SPOP: variants seen among roughly 807,000 people sequenced by gnomAD.
The protein encoded by SPOP is speckle-type POZ protein.
Under a neutral mutation model 45.6 loss-of-function variants are expected in SPOP, and 11 were observed. The observed-to-expected ratio is 0.24, with a 90% CI of 0.15 to 0.40. SPOP has a LOEUF of 0.40. Among genes scored for constraint, SPOP ranks in the 10% least tolerant of loss-of-function variants. The probability of loss-of-function intolerance (pLI) is 1.00; values close to 1 mark genes in which losing one functional copy is unlikely to be tolerated. For missense variants in SPOP, 152 were observed against 465.6 expected (o/e 0.33, Z 6.20); for synonymous variants, 166 against 166.3 (o/e 1.00, Z 0.01).
At chr17:49,663,984 C>A (rs533273891) in intron 1 of SPOP, among the ~76,000 whole-genome samples, 54 of 152,248 alleles carry the variant, frequency 3.5e-4, no homozygotes, top group South Asian at 1.2e-3. Flanking sequence ...AATGTTTAAA[C>A]ATTTAGAAGA....
At chr17:49,658,931 C>T (rs141827739) in intron 1 of SPOP, among the ~76,000 whole-genome samples, 170 of 152,330 alleles carry the variant, frequency 1.1e-3, no homozygotes, top group African/African-American at 3.9e-3. Context: ...CAGACACCAA[C>T]TTCTGAATTT....
intron 1 of SPOP, among the ~76,000 whole-genome samples, chr17:49,675,046 A>C (rs1281849902): frequency 6.6e-6 from 1 of 152,210 alleles, no homozygotes; most frequent in Admixed American, 6.5e-5. Flanking sequence ...GCAGACTCAC[A>C]CTGCTGGCAG....
chr17:49,651,996 G>GT (rs1398866450), intron 1 of SPOP, among the ~76,000 whole-genome samples: 1 of 151,786 alleles, frequency 6.6e-6, no homozygotes, highest in Non-Finnish European at 1.5e-5. Context: ...TCCAGCCTGG[G>GT]TGACAGAGTG....
rs150193528 is a variant in SPOP, at chr17:49,622,769, C to T, written c.42G>A (p.Ser14=). The T allele has an allele frequency of 6.2e-4, 997 of 1,614,098 alleles. 1 individual carries two copies. Among genetic ancestry groups the T allele is most frequent in the Non-Finnish European group, 7.7e-4 (904 of 1,180,000 alleles). The change falls in exon 2 of 10, where the codon TCG becomes TCA. Residue 14 remains serine, a synonymous_variant. Transcript: ENST00000504102. ...ACCAACTCTCAGCTACGGGGCCACT[C>T]GACATTTCTGCCGGAGGTGGAGGAC... ...VPSPPPPAEM[S]SGPVAESWCY... is the part of the protein sequence containing the mutation.
chr17:49,613,739 C>T lies in SPOP; in HGVS notation c.481-2282G>A, dbSNP rs761912976. ...TGGCACCTCTCACCAACATTAAATACGCTTAATTAAAAATAAATTCTAAAT... is the reference window on the plus strand; with the variant it reads ...TGGCACCTCTCACCAACATTAAATATGCTTAATTAAAAATAAATTCTAAAT... On this transcript the variant is annotated intron_variant, in intron 5 of 9. Transcript: ENST00000504102. 6.6e-5 allele frequency among the ~76,000 whole-genome samples: 10 copies of T among 152,176 alleles called. No homozygotes were observed. In the East Asian group the frequency reaches 7.7e-4, roughly 12 times the overall value.
At chr17:49,618,519 T>C (rs1373601582) in intron 5 of SPOP, 1 of 455,580 alleles carries the variant, frequency 2.2e-6, no homozygotes, top group Non-Finnish European at 4.4e-6. Flanking sequence ...TATTTCACAA[T>C]TACTCCAGCA....
intron 1 of SPOP, among the ~76,000 whole-genome samples, chr17:49,646,818 T>C (rs369285022): frequency 1.3e-4 from 20 of 152,324 alleles, no homozygotes; most frequent in South Asian, 6.2e-4. Context: ...GGCTTGAGTT[T>C]AGAACACAAA....
At position 49,642,164 on chromosome 17, in the gene SPOP, G is replaced by A. The variant is rs76259479; in HGVS notation, c.-66-19288C>T. On this transcript the variant is annotated intron_variant, in intron 1 of 9. Transcript: ENST00000504102. Reference sequence around the variant, plus strand: ...ACTACTTGACAATATGTAGGATAAAGATTGAGTACTTACTATATATACTAT... The same window carrying A: ...ACTACTTGACAATATGTAGGATAAAAATTGAGTACTTACTATATATACTAT... Among the ~76,000 whole-genome samples, 1,470 of 152,188 alleles carry A rather than the reference G, an allele frequency of 9.7e-3. 24 individuals are homozygous for A. The highest frequency in any genetic ancestry group is 0.014 in the Non-Finnish European group (981 of 68,020).
chr17:49,666,855 A>T (rs1241024002), intron 1 of SPOP, among the ~76,000 whole-genome samples: 1 of 152,176 alleles, frequency 6.6e-6, no homozygotes, highest in Non-Finnish European at 1.5e-5. Flanking sequence ...TCTAAAACTC[A>T]GTTTGATAAA....
At chr17:49,674,629 A>G (rs1489349670) in intron 1 of SPOP, among the ~76,000 whole-genome samples, 2 of 152,252 alleles carry the variant, frequency 1.3e-5, no homozygotes, top group African/African-American at 2.4e-5. Flanking sequence ...TCAACTAACT[A>G]GATTAGCTTT....
At chr17:49,643,651 C>A (rs961409462) in intron 1 of SPOP, among the ~76,000 whole-genome samples, 1 of 152,122 alleles carries the variant, frequency 6.6e-6, no homozygotes, top group Non-Finnish European at 1.5e-5. Context: ...TAGAAGAAGG[C>A]CAGGTGTGGT....
At chr17:49,677,587 G>A (rs774978620) in intron 1 of SPOP, among the ~76,000 whole-genome samples, 1 of 152,050 alleles carries the variant, frequency 6.6e-6, no homozygotes, top group Non-Finnish European at 1.5e-5. Context: ...GGGCAGCGAA[G>A]AAGCAGCCCG....
Position 49,654,202 on chromosome 17 carries a change from G to C in SPOP, c.-67+23731C>G, listed in dbSNP as rs79831415. Among the ~76,000 whole-genome samples, 228 of 152,356 alleles carry C rather than the reference G, an allele frequency of 1.5e-3. 5 individuals are homozygous for C. The East Asian group carries it at 0.029, about 20-fold the overall frequency. On this transcript the variant is annotated intron_variant, in intron 1 of 9. Coordinates refer to ENST00000504102, the MANE Select transcript of SPOP (RefSeq NM_001007228.2). ...TTAAATAGGACAGTGCACAATTCCA[G>C]AGGTGATAAACATGTTAGTAAAACA...
At position 49,654,848 on chromosome 17, in the gene SPOP, A is replaced by C. The variant is rs532072952; in HGVS notation, c.-67+23085T>G. 2.0e-4 allele frequency among the ~76,000 whole-genome samples: 30 copies of C among 152,328 alleles called. No individual in the cohort carries two copies. In the South Asian group the frequency reaches 5.4e-3, roughly 27 times the overall value. On this transcript the variant is annotated intron_variant, in intron 1 of 9. Transcript: ENST00000504102. ...TGGTTTATTTTGTCAACTGTTAGTG[A>C]GTTTTGCTAACTACTTTTCCCAAGA...
At position 49,599,514 on chromosome 17, in the gene SPOP, T is replaced by TTTG. The variant is rs1555571496; in HGVS notation, c.*863_*864insCAA. 6 of 212,052 alleles carry TTTG rather than the reference T, an allele frequency of 2.8e-5. No homozygotes were observed. Among genetic ancestry groups the TTTG allele is most frequent in the East Asian group, 2.1e-4 (3 of 14,106 alleles). 13.1% of individuals were successfully genotyped at this position (212,052 alleles called of 1,614,324 possible). A position where few individuals can be genotyped will look rare whatever the true frequency, so the allele number is the denominator to read the frequency against. The stretch of plus-strand genomic sequence containing the variant: ...CTGTTTTTGTTTTGTGTGTTTTTTT[T>TTTG]TTTGTTTGTTTTTTAGAAAAAGGGG... On this transcript the variant is annotated 3_prime_UTR_variant, in exon 10 of 10. Transcript: ENST00000504102.
intron 1 of SPOP, among the ~76,000 whole-genome samples, chr17:49,672,012 C>T (rs959946780): frequency 4.6e-5 from 7 of 152,132 alleles, no homozygotes. Flanking sequence ...TTGTGGTGGG[C>T]ACCTGTAATC....
intron 1 of SPOP, among the ~76,000 whole-genome samples, chr17:49,647,308 C>T (rs1321358784): frequency 8.4e-5 from 9 of 107,688 alleles, no homozygotes; most frequent in African/African-American, 3.2e-4. Context: ...AGTGAGATGC[C>T]GTCTTAAAAA....
intron 1 of SPOP, among the ~76,000 whole-genome samples, chr17:49,637,423 C>T (rs1045453920): frequency 1.4e-4 from 22 of 152,116 alleles, no homozygotes; most frequent in Admixed American, 2.6e-4. Flanking sequence ...CGATCTCAGC[C>T]CACTGCAACC....
intron 1 of SPOP, among the ~76,000 whole-genome samples, chr17:49,631,360 C>T (rs1012064306): frequency 3.3e-5 from 5 of 152,126 alleles, no homozygotes; most frequent in African/African-American, 9.7e-5. Context: ...TCCCAAAAGA[C>T]ACAAGGCTCT....
Sources: gnomAD v4.1 joint callset for allele counts (sites outside exome capture counted in the v4.1 genomes callset) on GRCh38, gnomAD v4.1.1 for gene constraint, MANE v1.5 for transcripts, NCBI Gene and HGNC (gene_info 2026-07-23, HGNC 2026-07-21) for gene names.